PARP8: variants seen among roughly 807,000 people sequenced by gnomAD.
PARP8 encodes the protein protein mono-ADP-ribosyltransferase PARP8.
Under a neutral mutation model 124.1 loss-of-function variants are expected in PARP8, and 51 were observed. That is an observed-to-expected ratio of 0.41 (90% CI 0.33 to 0.52). The LOEUF is 0.52. PARP8 is among the 20% of genes least tolerant of loss of function. PARP8 has a pLI of 0.21. For missense variants in PARP8, 860 were observed against 1,018.9 expected, an observed-to-expected ratio of 0.84 and a Z score of 2.12; for synonymous variants, 391 against 361.5, an observed-to-expected ratio of 1.08 and a Z score of -0.93.
chr5:50,840,757 T>G (rs1157290540), intron 25 of PARP8, among the ~76,000 whole-genome samples: 1 of 151,874 alleles, frequency 6.6e-6, no homozygotes, highest in Non-Finnish European at 1.5e-5. Flanking sequence ...TCATGGAGAA[T>G]TAATCTCAGT....
intron 3 of PARP8, 106 bp from the exon 4 acceptor site, chr5:50,759,537 G>A: frequency 8.1e-7 from 1 of 1,236,280 alleles, no homozygotes; most frequent in African/African-American, 1.6e-5. Flanking sequence ...TATGCTTTAT[G>A]AGAGTTGGAA....
At chr5:50,763,661 A>G (rs904850123) in intron 7 of PARP8, among the ~76,000 whole-genome samples, 3 of 151,822 alleles carry the variant, frequency 2.0e-5, no homozygotes, top group African/African-American at 7.3e-5. Flanking sequence ...AACTTTGCAC[A>G]GTACTTGTTT....
intron 2 of PARP8, among the ~76,000 whole-genome samples, chr5:50,737,759 GTC>G (rs1045205812): frequency 2.2e-4 from 33 of 152,256 alleles, no homozygotes; most frequent in African/African-American, 7.7e-4. Context: ...AATCATAACT[GTC>G]TTGTTAAATG....
intron 2 of PARP8, among the ~76,000 whole-genome samples, chr5:50,699,940 A>G (rs1237712420): frequency 6.6e-6 from 1 of 152,162 alleles, no homozygotes; most frequent in East Asian, 1.9e-4. Flanking sequence ...TGGATGAGTA[A>G]AAGTTCCATT....
chr5:50,680,254 G>C (rs1227530540), intron 2 of PARP8, among the ~76,000 whole-genome samples: 1 of 151,964 alleles, frequency 6.6e-6, no homozygotes, highest in Admixed American at 6.6e-5. Context: ...CTTTGCTCAG[G>C]TTCTTTACAA....
At chr5:50,712,382 A>G (rs1302854001) in intron 2 of PARP8, among the ~76,000 whole-genome samples, 1 of 152,128 alleles carries the variant, frequency 6.6e-6, no homozygotes, top group Non-Finnish European at 1.5e-5. Context: ...CATGTTTTTC[A>G]TGCTTCAATT....
At position 50,846,197 on chromosome 5, in the gene PARP8, C is replaced by T. The variant is rs1399336296; in HGVS notation, c.*4129C>T. On this transcript the variant is annotated 3_prime_UTR_variant, in exon 26 of 26. Transcript: ENST00000281631. Reference sequence around the variant, plus strand: ...TGAGATTTTTAAAAATGCATCCGCTCCATTATGTAAACATTAAGATATGCC... The same window carrying T: ...TGAGATTTTTAAAAATGCATCCGCTTCATTATGTAAACATTAAGATATGCC... 6.6e-6 allele frequency: 1 copy of T among 151,724 alleles called. No individual in the cohort carries two copies. The highest frequency in any genetic ancestry group is 1.5e-5 in the Non-Finnish European group (1 of 67,778). 9.4% of individuals were successfully genotyped at this position (151,724 alleles called of 1,614,324 possible). A position where few individuals can be genotyped will look rare whatever the true frequency, so the allele number is the denominator to read the frequency against.
At chr5:50,794,366 G>T (rs1742287541) in intron 11 of PARP8, 34 bp downstream of exon 11, 1 of 1,607,372 alleles carries the variant, frequency 6.2e-7, no homozygotes, top group Admixed American at 1.7e-5. Context: ...TTGTCTTACT[G>T]AATGCTGAGT....
intron 2 of PARP8, among the ~76,000 whole-genome samples, chr5:50,705,492 A>T (rs1297181203): frequency 1.3e-5 from 2 of 152,218 alleles, no homozygotes; most frequent in Non-Finnish European, 2.9e-5. Context: ...AAATAAATTT[A>T]AAAGGAATTG....
rs1748620729 is a variant in PARP8, at chr5:50,846,439, CT to C, written c.*4375del. ...TTGCTTTCTATTGCTACTAAAGCCT[CT>C]TTTATCCAGCTTTGTAATAGTTCCA... On this transcript the variant is annotated 3_prime_UTR_variant, in exon 26 of 26. Transcript: ENST00000281631. 6.6e-6 allele frequency: 1 copy of C among 151,734 alleles called. No individual in the cohort carries two copies. The highest frequency in any genetic ancestry group is 1.5e-5 in the Non-Finnish European group (1 of 67,808). The allele number at this position is 151,734 out of a possible 1,614,324, so 9.4% of individuals were successfully genotyped here.
At chr5:50,680,221 C>T (rs1178473553) in intron 2 of PARP8, among the ~76,000 whole-genome samples, 2 of 152,146 alleles carry the variant, frequency 1.3e-5, no homozygotes, top group African/African-American at 4.8e-5. Context: ...GCCCTTTATT[C>T]GTTTTTTTCA....
chr5:50,845,773 C>G lies in PARP8; in HGVS notation c.*3705C>G, dbSNP rs745643196. 3.0e-4 allele frequency: 46 copies of G among 151,788 alleles called. No homozygotes were observed. Among genetic ancestry groups the G allele is most frequent in the Non-Finnish European group, 5.8e-4 (39 of 67,758 alleles). The allele number at this position is 151,788 out of a possible 1,614,324, so 9.4% of individuals were successfully genotyped here. A position where few individuals can be genotyped will look rare whatever the true frequency, so the allele number is the denominator to read the frequency against. ...CGTGGGCCAATTTTATGTCCATTAC[C>G]TAAAGCCACAATCTCCCGCTCTAAG... On this transcript the variant is annotated 3_prime_UTR_variant, in exon 26 of 26. Coordinates refer to ENST00000281631, the MANE Select transcript of PARP8 (RefSeq NM_024615.4).
intron 2 of PARP8, among the ~76,000 whole-genome samples, chr5:50,673,541 G>A (rs1241589099): frequency 6.6e-6 from 1 of 152,104 alleles, no homozygotes; most frequent in Admixed American, 6.5e-5. Flanking sequence ...CAGAGGCTTG[G>A]GTGATTTAAG....
intron 2 of PARP8, among the ~76,000 whole-genome samples, chr5:50,697,529 A>G (rs534342397): frequency 6.6e-6 from 1 of 152,232 alleles, no homozygotes; most frequent in Non-Finnish European, 1.5e-5. Flanking sequence ...AATTATTTTC[A>G]GACAAGATCT....
intron 14 of PARP8, among the ~76,000 whole-genome samples, chr5:50,804,420 G>C (rs911862610): frequency 9.2e-5 from 14 of 152,266 alleles, no homozygotes; most frequent in Admixed American, 9.2e-4. Context: ...GATTGGATTA[G>C]GGTAAATTTA....
rs138938560 is a variant in PARP8, at chr5:50,796,292, T to C, written c.1429-690T>C. Among the ~76,000 whole-genome samples the C allele has an allele frequency of 5.1e-3, 779 of 152,324 alleles. 5 individuals carry two copies. Among genetic ancestry groups the C allele is most frequent in the Non-Finnish European group, 8.8e-3 (599 of 68,002 alleles). ...AAAATAAGATGTTTCAGGAAAGTAA[T>C]GTTATTCTTATATAGGTTTATTTCT... On this transcript the variant is annotated intron_variant, in intron 12 of 25. Transcript: ENST00000281631.
intron 7 of PARP8, among the ~76,000 whole-genome samples, chr5:50,768,492 A>G (rs1405761388): frequency 1.3e-5 from 2 of 152,174 alleles, no homozygotes; most frequent in African/African-American, 2.4e-5. Flanking sequence ...TTCTTTTCAG[A>G]CCAGAATGAA....
At chr5:50,755,741 G>A (rs1426981784) in intron 3 of PARP8, among the ~76,000 whole-genome samples, 3 of 152,126 alleles carry the variant, frequency 2.0e-5, no homozygotes, top group Admixed American at 6.5e-5. Flanking sequence ...GCTTGATGGG[G>A]ATGGCATTCA....
chr5:50,728,022 A>G (rs1469038723), intron 2 of PARP8, among the ~76,000 whole-genome samples: 1 of 152,084 alleles, frequency 6.6e-6, no homozygotes, highest in Non-Finnish European at 1.5e-5. Context: ...TTTACTTCAT[A>G]ATTGGTTGAA....
Sources: allele counts gnomAD v4.1 joint callset (sites outside exome capture counted in the v4.1 genomes callset), GRCh38; gene constraint gnomAD v4.1.1; transcripts MANE v1.5; gene names NCBI Gene and HGNC (gene_info 2026-07-23, HGNC 2026-07-21).